RFX3: variants seen among roughly 807,000 people sequenced by gnomAD.
RFX3 encodes the protein regulatory factor X3.
Under a neutral mutation model 98.6 loss-of-function variants are expected in RFX3, and 14 were observed. That is an observed-to-expected ratio of 0.14 (90% CI 0.09 to 0.22). The LOEUF is 0.22. Among genes scored for constraint, RFX3 ranks in the 10% least tolerant of loss-of-function variants. The pLI is 1.00. For synonymous variants in RFX3, 383 were observed against 328.4 expected (o/e 1.17, Z -1.80); for missense variants, 639 against 926.9 (o/e 0.69, Z 4.03).
At chr9:3,260,904 A>ATC (rs201784787) in intron 13 of RFX3, among the ~76,000 whole-genome samples, 19 of 149,812 alleles carry the variant, frequency 1.3e-4, no homozygotes, top group African/African-American at 1.9e-4. Flanking sequence ...ATAGATATAG[A>ATC]TCTCTCTCTC....
At chr9:3,288,055 T>A in intron 7 of RFX3, 76 bp downstream of exon 7, 5 of 1,362,814 alleles carry the variant, frequency 3.7e-6, no homozygotes, top group Non-Finnish European at 5.1e-6. Flanking sequence ...ACTTAGGTAT[T>A]TGTTCAGAAA....
chr9:3,429,762 T>C (rs887127558), intron 1 of RFX3, among the ~76,000 whole-genome samples: 6 of 152,204 alleles, frequency 3.9e-5, no homozygotes, highest in African/African-American at 7.2e-5. Context: ...ATTTACTATA[T>C]AGCAGATGTA....
rs373474667 is a variant in RFX3 at position 3,502,684 on chromosome 9, TTTCA to T, written c.-9+23059_-9+23062del. 5.9e-5 allele frequency among the ~76,000 whole-genome samples: 9 copies of T among 152,310 alleles called. No homozygotes were observed. In the East Asian group the frequency reaches 1.2e-3, roughly 20 times the overall value. On this transcript the variant is annotated intron_variant, in intron 1 of 16. Transcript: ENST00000617270. The stretch of plus-strand genomic sequence containing the variant: ...TTAAATTTAACACTTGTTTAGAAAC[TTTCA>T]TTATTTTCACGATTTTTTTTTCCTC...
chr9:3,484,916 C>A (rs1021057289), intron 1 of RFX3, among the ~76,000 whole-genome samples: 3 of 150,312 alleles, frequency 2.0e-5, no homozygotes, highest in African/African-American at 7.4e-5. Flanking sequence ...AGACACCCCC[C>A]CCCACCCCAT....
At chr9:3,455,722 A>C (rs553679765) in intron 1 of RFX3, among the ~76,000 whole-genome samples, 61 of 152,336 alleles carry the variant, frequency 4.0e-4, no homozygotes, top group Non-Finnish European at 6.3e-4. Flanking sequence ...CTACACACAC[A>C]AAAGTTATGT....
At chr9:3,467,761 T>C (rs1848440626) in intron 1 of RFX3, among the ~76,000 whole-genome samples, 1 of 152,128 alleles carries the variant, frequency 6.6e-6, no homozygotes, top group African/African-American at 2.4e-5. Flanking sequence ...ATGCTGCTCT[T>C]TGCAATGGCC....
At chr9:3,427,476 G>C (rs911556775) in intron 1 of RFX3, among the ~76,000 whole-genome samples, 5 of 142,860 alleles carry the variant, frequency 3.5e-5, no homozygotes, top group Non-Finnish European at 7.5e-5. Flanking sequence ...AATATATATT[G>C]TTATATAATA....
At chr9:3,492,558 T>C (rs1418298245) in intron 1 of RFX3, among the ~76,000 whole-genome samples, 2 of 152,166 alleles carry the variant, frequency 1.3e-5, no homozygotes, top group Non-Finnish European at 2.9e-5. Flanking sequence ...TCATGACAGA[T>C]GGAGATTCAG....
chr9:3,279,971 T>C (rs1825720674), intron 7 of RFX3, among the ~76,000 whole-genome samples: 1 of 151,738 alleles, frequency 6.6e-6, no homozygotes, highest in Non-Finnish European at 1.5e-5. Context: ...GGAGAAACTA[T>C]GCAGGTCAGT....
chr9:3,278,341 T>G (rs1825501424), intron 7 of RFX3, among the ~76,000 whole-genome samples: 1 of 151,926 alleles, frequency 6.6e-6, no homozygotes, highest in Non-Finnish European at 1.5e-5. Flanking sequence ...CTTCATTTTA[T>G]AAATTTGGAA....
intron 4 of RFX3, among the ~76,000 whole-genome samples, chr9:3,318,211 T>C (rs182921676): frequency 7.7e-4 from 117 of 152,326 alleles, no homozygotes; most frequent in African/African-American, 2.5e-3. Flanking sequence ...GATGAGTTCA[T>C]GTCCTTTGTA....
chr9:3,421,448 T>A (rs1843432380), intron 1 of RFX3, among the ~76,000 whole-genome samples: 2 of 152,294 alleles, frequency 1.3e-5, no homozygotes, highest in South Asian at 4.1e-4. Flanking sequence ...AACATCCAAC[T>A]CCATAGAAAT....
chr9:3,374,577 T>A (rs1564006873), intron 2 of RFX3, among the ~76,000 whole-genome samples: 1 of 152,204 alleles, frequency 6.6e-6, no homozygotes, highest in Non-Finnish European at 1.5e-5. Context: ...GGATGAACTT[T>A]GAGGACATTT....
In RFX3 at chr9:3,488,921, T is replaced by A. The variant is rs1057014843; in HGVS notation, c.-9+36826A>T. 6.1e-6 allele frequency: 6 copies of A among 983,148 alleles called. No homozygotes were observed. In the African/African-American group the frequency reaches 1.0e-4, roughly 17 times the overall value. 60.9% of individuals were successfully genotyped at this position (983,148 alleles called of 1,614,324 possible). A position where few individuals can be genotyped will look rare whatever the true frequency, so the allele number is the denominator to read the frequency against. ...CTAAAACAAAGACCATATATCAAAT[T>A]GAAATAAGGAGTACCTTGTTCCCTG... On this transcript the variant is annotated intron_variant, in intron 1 of 16. Transcript: ENST00000617270.
chr9:3,395,311 T>C (rs1316120826), intron 2 of RFX3, among the ~76,000 whole-genome samples, 161 bp downstream of exon 2: 1 of 152,188 alleles, frequency 6.6e-6, no homozygotes, highest in Non-Finnish European at 1.5e-5. Flanking sequence ...ACCTGGCACA[T>C]CCAAGAAATG....
intron 4 of RFX3, among the ~76,000 whole-genome samples, chr9:3,313,270 C>G (rs956139845): frequency 6.6e-6 from 1 of 152,124 alleles, no homozygotes; most frequent in African/African-American, 2.4e-5. Context: ...GAATGGACCT[C>G]CAGCAAACTC....
intron 1 of RFX3, among the ~76,000 whole-genome samples, chr9:3,422,153 C>T (rs574058728): frequency 6.6e-6 from 1 of 152,308 alleles, no homozygotes; most frequent in South Asian, 2.1e-4. Flanking sequence ...TGGGATTTAC[C>T]TCACGTGAAA....
chr9:3,245,528 ACT>A (rs1820545476), intron 15 of RFX3, among the ~76,000 whole-genome samples: 1 of 152,136 alleles, frequency 6.6e-6, no homozygotes, highest in Non-Finnish European at 1.5e-5. Context: ...TACTGACTGC[ACT>A]CTGAGGGATT....
At chr9:3,415,208 T>C (rs542814046) in intron 1 of RFX3, among the ~76,000 whole-genome samples, 35 of 129,018 alleles carry the variant, frequency 2.7e-4, no homozygotes, top group East Asian at 2.0e-3. Context: ...TATATATATA[T>C]ACATACTCAT....
Sources: allele counts gnomAD v4.1 joint callset (sites outside exome capture counted in the v4.1 genomes callset), GRCh38; gene constraint gnomAD v4.1.1; transcripts MANE v1.5; gene names NCBI Gene and HGNC (gene_info 2026-07-23, HGNC 2026-07-21).